Variants in STOX1 observed in about 807,000 individuals in gnomAD.
STOX1 encodes the protein storkhead-box protein 1.
Under a neutral mutation model 74.8 loss-of-function variants are expected in STOX1, and 57 were observed. The observed-to-expected ratio is 0.76, with a 90% CI of 0.62 to 0.95. The LOEUF is 0.95. Among genes scored for constraint, STOX1 ranks in the 40% least tolerant of loss-of-function variants. STOX1 has a pLI of 0.00. For missense variants in STOX1, 1,010 were observed against 1,117.0 expected (o/e 0.90, Z 1.37); for synonymous variants, 375 against 401.3 (o/e 0.93, Z 0.78).
chr10:68,883,222 CAAAA>C (rs56982685), intron 2 of STOX1, among the ~76,000 whole-genome samples: 1 of 139,928 alleles, frequency 7.1e-6, no homozygotes, highest in African/African-American at 2.6e-5. Context: ...CTAAAAACTA[CAAAA>C]AAAAAAAAAA....
intron 1 of STOX1, chr10:68,828,878 A>T: frequency 1.5e-6 from 1 of 654,964 alleles, no homozygotes; most frequent in Non-Finnish European, 1.9e-6. Flanking sequence ...TTTCAAACTT[A>T]ACTGTTTGTT....
rs1432314624 is a variant in STOX1 at position 68,827,743 on chromosome 10, C to T, written c.120C>T (p.Phe40=). 2 of 805,264 alleles carry T rather than the reference C, an allele frequency of 2.5e-6. No individual in the cohort carries two copies. Among genetic ancestry groups the T allele is most frequent in the Non-Finnish European group, 3.0e-6 (2 of 663,678 alleles). The allele number at this position is 805,264 out of a possible 1,614,324, so 49.9% of individuals were successfully genotyped here. A position where few individuals can be genotyped will look rare whatever the true frequency, so the allele number is the denominator to read the frequency against. ...EPGGRAVFRA[F]RRANARCFWN... ...GTGGGCGCGCGGTGTTCCGCGCTTT[C>T]CGTCGCGCCAACGCGCGCTGCTTCT... Residue 40 remains phenylalanine (F), a synonymous_variant, in exon 1 of 4, where the codon TTC becomes TTT. Coordinates refer to ENST00000298596, the MANE Select transcript of STOX1 (RefSeq NM_152709.5).
chr10:68,868,074 C>T (rs568584227), intron 1 of STOX1, among the ~76,000 whole-genome samples: 7 of 152,366 alleles, frequency 4.6e-5, no homozygotes, highest in South Asian at 2.1e-4. Context: ...CTCCAACCGT[C>T]GCTCTGGCGA....
chr10:68,853,913 G>A (rs1007330948), intron 1 of STOX1, among the ~76,000 whole-genome samples: 12 of 151,816 alleles, frequency 7.9e-5, no homozygotes, highest in African/African-American at 2.9e-4. Context: ...TCAAACTCCC[G>A]ACCTCAGGTG....
chr10:68,883,896 A>C (rs991459336), intron 2 of STOX1, among the ~76,000 whole-genome samples: 2 of 149,402 alleles, frequency 1.3e-5, no homozygotes, highest in Admixed American at 1.3e-4. Context: ...AATGTTTAAA[A>C]ATTTTTTTGT....
chr10:68,871,802 C>T (rs1470034545), intron 1 of STOX1, among the ~76,000 whole-genome samples: 4 of 152,114 alleles, frequency 2.6e-5, no homozygotes, highest in Non-Finnish European at 4.4e-5. Context: ...GAAGTTGTAA[C>T]ACAATAGATC....
intron 3 of STOX1, among the ~76,000 whole-genome samples, chr10:68,887,405 C>T (rs1292005479): frequency 2.6e-5 from 4 of 152,066 alleles, no homozygotes; most frequent in Admixed American, 6.6e-5. Context: ...ATCTCATCCT[C>T]CCGAGTATCT....
chr10:68,873,958 G>GT (rs1277039767), intron 1 of STOX1, among the ~76,000 whole-genome samples: 1 of 86,436 alleles, frequency 1.2e-5, no homozygotes, highest in Non-Finnish European at 2.3e-5. Flanking sequence ...GTTTTTGTTT[G>GT]TTTTTTGTTT....
rs753999696 is a variant in STOX1 at position 68,831,177 on chromosome 10, A to ATATT, written c.310+3252_310+3255dup. ...AGTCAATCTGATCTCTTTGCCATAGATATTTATTTATCTATTTATTTATTT... is the reference window on the plus strand; with the variant it reads ...AGTCAATCTGATCTCTTTGCCATAGATATTTATTTATTTATCTATTTATTTATTT... On this transcript the variant is annotated intron_variant, in intron 1 of 3. Transcript: ENST00000298596. Among the ~76,000 whole-genome samples the ATATT allele has an allele frequency of 1.7e-3, 252 of 152,020 alleles. 1 individual carries two copies. The highest frequency in any genetic ancestry group is 0.011 in the East Asian group (56 of 5,158).
chr10:68,892,912 TA>T lies in STOX1; in HGVS notation c.*178del. On this transcript the variant is annotated 3_prime_UTR_variant, in exon 4 of 4. Transcript: ENST00000298596. ...GGCTTTTTTTCCTCTTTTGGTGTCT[TA>T]AGGCTTTTTGAAGCTTATTTTACTG... 1.5e-6 allele frequency: 1 copy of T among 668,400 alleles called. No homozygotes were observed. Among genetic ancestry groups the T allele is most frequent in the Non-Finnish European group, 2.4e-6 (1 of 408,730 alleles). The allele number at this position is 668,400 out of a possible 1,614,324, so 41.4% of individuals were successfully genotyped here. A position where few individuals can be genotyped will look rare whatever the true frequency, so the allele number is the denominator to read the frequency against.
chr10:68,890,412 C>G (rs915698454), intron 3 of STOX1, among the ~76,000 whole-genome samples: 1 of 151,994 alleles, frequency 6.6e-6, no homozygotes, highest in African/African-American at 2.4e-5. Context: ...GTTCTCCCAT[C>G]TTGGTCTCTC....
Position 68,886,499 on chromosome 10 carries a change from C to A in STOX1, c.2703C>A (p.Phe901Leu). The stretch of plus-strand genomic sequence containing the variant: ...TGAGAAAACATTTCCCACAAAAGTT[C>A]CAACTTTTCAACACTTCACATATGC... ...QEMRKHFPQK[F>L]QLFNTSHMPV... is the part of the protein sequence containing the mutation. Residue 901 changes from phenylalanine (F) to leucine (L), a missense_variant, in exon 3 of 4, where the codon TTC becomes TTA. Transcript: ENST00000298596. 6.2e-7 allele frequency: 1 copy of A among 1,613,942 alleles called. No homozygotes were observed. Among genetic ancestry groups the A allele is most frequent in the Middle Eastern group, 1.7e-4 (1 of 6,060 alleles).
chr10:68,842,074 A>G (rs909704378), intron 1 of STOX1, among the ~76,000 whole-genome samples: 6 of 152,176 alleles, frequency 3.9e-5, no homozygotes, highest in African/African-American at 9.7e-5. Flanking sequence ...AGTATTAACC[A>G]TGTGACCTGG....
rs541992154 is a variant in STOX1, at chr10:68,832,339, T to C, written c.310+4406T>C. 1.2e-4 allele frequency among the ~76,000 whole-genome samples: 18 copies of C among 152,356 alleles called. No homozygotes were observed. In the East Asian group the frequency reaches 3.5e-3, roughly 29 times the overall value. ...ATTTATAGCTGGGGTGTCTCCACCC[T>C]GTCACCCCCAGCAGGGCCTTTCATC... On this transcript the variant is annotated intron_variant, in intron 1 of 3. Coordinates refer to ENST00000298596, the MANE Select transcript of STOX1 (RefSeq NM_152709.5).
intron 1 of STOX1, among the ~76,000 whole-genome samples, chr10:68,864,858 T>G (rs1840363108): frequency 6.6e-6 from 1 of 152,258 alleles, no homozygotes; most frequent in Admixed American, 6.5e-5. Flanking sequence ...TAAGTAGGAA[T>G]GCCTAGAGCA....
chr10:68,855,626 G>T (rs911769054), intron 1 of STOX1, among the ~76,000 whole-genome samples: 4 of 151,424 alleles, frequency 2.6e-5, no homozygotes, highest in African/African-American at 9.7e-5. Context: ...TAAATTTTTT[G>T]TAGTGATGGG....
At chr10:68,828,371 T>G in intron 1 of STOX1, 2 of 900,320 alleles carry the variant, frequency 2.2e-6, no homozygotes, top group East Asian at 5.9e-5. Context: ...CCACAGAGGC[T>G]AGGCGCTGCT....
intron 2 of STOX1, 137 bp from the exon 3 acceptor site, chr10:68,884,123 C>T (rs1295282836): frequency 5.0e-6 from 4 of 795,400 alleles, no homozygotes; most frequent in South Asian, 4.9e-5. Flanking sequence ...CCATCCCTGG[C>T]ATTTTAATCA....
chr10:68,881,933 C>T (rs535033195), intron 1 of STOX1, 25 bp from the exon 2 acceptor site: 4 of 1,613,552 alleles, frequency 2.5e-6, no homozygotes, highest in African/African-American at 2.7e-5. Context: ...ACCCCCTCCC[C>T]CTTTTTTTTA....
Sources: allele counts gnomAD v4.1 joint callset (sites outside exome capture counted in the v4.1 genomes callset), GRCh38; gene constraint gnomAD v4.1.1; transcripts MANE v1.5; gene names NCBI Gene and HGNC (gene_info 2026-07-23, HGNC 2026-07-21).